The following USP39 variants were observed in gnomAD, a reference collection of about 807,000 sequenced individuals.
USP39 encodes the protein ubiquitin carboxyl-terminal hydrolase 39.
In USP39, 38 loss-of-function variants were observed where a neutral mutation model predicts 66.4. The observed-to-expected ratio is 0.57, with a 90% CI of 0.44 to 0.75. The LOEUF is 0.75. Among genes scored for constraint, USP39 ranks in the 30% least tolerant of loss-of-function variants. The probability of loss-of-function intolerance (pLI) is 0.00; values close to 1 mark genes in which losing one functional copy is unlikely to be tolerated. For synonymous variants in USP39, 303 were observed against 274.6 expected (o/e 1.10, Z -1.02); for missense variants, 608 against 714.4 (o/e 0.85, Z 1.70).
At chr2:85,628,621 C>A (rs1189533813) in intron 5 of USP39, among the ~76,000 whole-genome samples, 1 of 152,084 alleles carries the variant, frequency 6.6e-6, no homozygotes, top group East Asian at 1.9e-4. Flanking sequence ...CCAGATCATC[C>A]ATCTGGAGGG....
upstream of USP39, chr2:85,611,456 C>CT (rs1414823256): frequency 2.8e-5 from 43 of 1,543,946 alleles, 1 homozygote; most frequent in South Asian, 1.2e-5. Flanking sequence ...CCCCGATACT[C>CT]TGACAGCGAT....
Position 85,644,960 on chromosome 2 carries a change from G to A in USP39, c.1440G>A (p.Leu480=). Residue 480 remains leucine, a synonymous_variant, in exon 11 of 13, where the codon CTG becomes CTA. Transcript: ENST00000323701. ...TAACCATTAACAGAAATGTGGATCT[G>A]AGAGAATACTTGTCTGAAGAAGTAC... ...IVNFPITNVD[L]REYLSEEVQA... 6.2e-7 allele frequency: 1 copy of A among 1,614,036 alleles called. No homozygotes were observed. Among genetic ancestry groups the A allele is most frequent in the South Asian group, 1.1e-5 (1 of 91,062 alleles).
At chr2:85,643,180 A>G (rs1676374135) in intron 10 of USP39, among the ~76,000 whole-genome samples, 1 of 152,082 alleles carries the variant, frequency 6.6e-6, no homozygotes. Flanking sequence ...TGGTTCAGTC[A>G]TGAAATCTTG....
upstream of USP39, chr2:85,607,239 A>C (rs957975075): frequency 1.9e-4 from 29 of 152,230 alleles, no homozygotes; most frequent in Admixed American, 9.2e-4. Flanking sequence ...TCATCAGATC[A>C]GTTTAAGGAC....
chr2:85,643,382 C>G (rs955961696), intron 10 of USP39, among the ~76,000 whole-genome samples: 2 of 151,626 alleles, frequency 1.3e-5, no homozygotes, highest in African/African-American at 4.8e-5. Context: ...CCCAGCTACT[C>G]GGGAGGCTGA....
chr2:85,612,365 A>G, upstream of USP39: 1 of 1,536,066 alleles, frequency 6.5e-7, no homozygotes, highest in Non-Finnish European at 8.7e-7. Flanking sequence ...TTCTGGTAAT[A>G]GGATGCTGTG....
Position 85,636,141 on chromosome 2 carries a change from TAC to T in USP39, c.1027+12_1027+13del, listed in dbSNP as rs774401611. ...AGAAGAAAAAGAAGAGTAAGTCATT[TAC>T]TTATAAAAAGGAGTTATTTTGTTCC... is the stretch of plus-strand genomic sequence containing the variant. On this transcript the variant is annotated intron_variant, in intron 7 of 12. Transcript: ENST00000323701. The T allele has an allele frequency of 6.2e-7, 1 of 1,612,672 alleles. No homozygotes were observed. The highest frequency in any genetic ancestry group is 8.5e-7 in the Non-Finnish European group (1 of 1,179,432).
upstream of USP39, chr2:85,611,346 C>G (rs1167786741): frequency 1.1e-5 from 16 of 1,438,980 alleles, no homozygotes; most frequent in Admixed American, 2.9e-5. Flanking sequence ...ATGTGCTGGT[C>G]GCTCATCGCT....
At chr2:85,612,017 C>G, upstream of USP39, 1 of 1,438,520 alleles carries the variant, frequency 7.0e-7, no homozygotes, top group Non-Finnish European at 9.2e-7. Context: ...GCCGCCGCCT[C>G]GACGGCCCCA....
intron 11 of USP39, among the ~76,000 whole-genome samples, chr2:85,645,597 C>T (rs996871022): frequency 6.6e-6 from 1 of 152,064 alleles, no homozygotes; most frequent in Non-Finnish European, 1.5e-5. Flanking sequence ...TTTTTAAAAT[C>T]CCAATGCCTG....
At chr2:85,630,976 A>C (rs984841863) in intron 6 of USP39, 30 bp downstream of exon 6, 2 of 1,595,226 alleles carry the variant, frequency 1.3e-6, no homozygotes, top group East Asian at 4.5e-5. Context: ...GTTTCAGGAC[A>C]ACAAAACTAG....
At chr2:85,612,424 CT>C, upstream of USP39, 1 of 1,456,900 alleles carries the variant, frequency 6.9e-7, no homozygotes, top group Non-Finnish European at 9.3e-7. Context: ...AACGCTGCCA[CT>C]TCTCAGTTTC....
At chr2:85,632,900 G>A (rs1023489886) in intron 6 of USP39, among the ~76,000 whole-genome samples, 4 of 152,146 alleles carry the variant, frequency 2.6e-5, no homozygotes, top group Non-Finnish European at 1.5e-5. Context: ...TAGAGGTGGA[G>A]GCAGGTTGGG....
At chr2:85,642,396 A>G (rs1292726781) in intron 10 of USP39, among the ~76,000 whole-genome samples, 1 of 152,198 alleles carries the variant, frequency 6.6e-6, no homozygotes. Flanking sequence ...GTGAATTGCC[A>G]GTCACCTGTC....
chr2:85,625,497 A>G, intron 4 of USP39, 42 bp from the exon 5 acceptor site: 1 of 1,609,550 alleles, frequency 6.2e-7, no homozygotes, highest in Non-Finnish European at 8.5e-7. Flanking sequence ...TTTCTTGTGA[A>G]CTCAGCTCTT....
At position 85,623,744 on chromosome 2, in the gene USP39, A is replaced by G; in HGVS notation, c.532A>G (p.Asn178Asp). The G allele has an allele frequency of 6.2e-7, 1 of 1,613,716 alleles. No individual in the cohort carries two copies. The highest frequency in any genetic ancestry group is 8.5e-7 in the Non-Finnish European group (1 of 1,179,878). ...CCTCAAGTTTTACTGCCTTCCAGAC[A>G]ACTATGAGATCATCGATTCCTCATT... is the stretch of plus-strand genomic sequence containing the variant. ...HTLKFYCLPD[N>D]YEIIDSSLED... Residue 178 changes from asparagine (N) to aspartate (D), a missense_variant, in exon 4 of 13, where the codon AAC becomes GAC. Asn to Asp is a conservative substitution (Grantham distance 23). Around this residue, in one of 6 missense-constraint regions of USP39, gnomAD observed 115 missense variants for 198.6 expected, o/e 0.58. Coordinates refer to ENST00000323701, the MANE Select transcript of USP39 (RefSeq NM_006590.4).
chr2:85,608,884 C>G, upstream of USP39: 1 of 1,596,572 alleles, frequency 6.3e-7, no homozygotes, highest in South Asian at 1.1e-5. Context: ...ACACTAAATT[C>G]CCTGGGCAGA....
At chr2:85,609,835 C>G (rs1205422740), upstream of USP39, among the ~76,000 whole-genome samples, 1 of 151,946 alleles carries the variant, frequency 6.6e-6, no homozygotes, top group African/African-American at 2.4e-5. Flanking sequence ...CAAGTGCCAC[C>G]ACATCCAGCT....
At chr2:85,627,348 G>A (rs1376559157) in intron 5 of USP39, among the ~76,000 whole-genome samples, 1 of 152,104 alleles carries the variant, frequency 6.6e-6, no homozygotes, top group Non-Finnish European at 1.5e-5. Flanking sequence ...ACCCGCCTGA[G>A]CTTCTGAAAG....
Sources: gnomAD v4.1 joint callset for allele counts (sites outside exome capture counted in the v4.1 genomes callset) on GRCh38, gnomAD v4.1.1 for gene constraint, gnomAD v4.1.1 regional missense constraint, MANE v1.5 for transcripts, NCBI Gene and HGNC (gene_info 2026-07-23, HGNC 2026-07-21) for gene names.